GAD2: variants seen among roughly 807,000 people sequenced by gnomAD.
GAD2 encodes 65 kDa glutamic acid decarboxylase.
Under a neutral mutation model 80.1 loss-of-function variants are expected in GAD2, and 22 were observed. The observed-to-expected ratio is 0.27, with a 90% CI of 0.20 to 0.39. The LOEUF is 0.39. GAD2 is among the 10% of genes least tolerant of loss of function. The pLI is 1.00. For synonymous variants in GAD2, 274 were observed against 256.9 expected, an observed-to-expected ratio of 1.07 and a Z score of -0.64; for missense variants, 624 against 738.4, an observed-to-expected ratio of 0.85 and a Z score of 1.80.
rs1307276594 is a variant in GAD2 at position 26,281,066 on chromosome 10, T to C, written c.1215T>C (p.Ser405=). ...TGATGGGAGTCCCTTTGCAGTGCTC[T>C]GCTCTCCTGGTTAGAGAAGAGGTAT... is the stretch of plus-strand genomic sequence containing the variant. ...HKMMGVPLQC[S]ALLVREEGLM... Residue 405 remains serine (S), a synonymous_variant, in exon 12 of 16, where the codon TCT becomes TCC. Transcript: ENST00000376261. 1.9e-6 allele frequency: 3 copies of C among 1,613,324 alleles called. No homozygotes were observed. Among genetic ancestry groups the C allele is most frequent in the Non-Finnish European group, 2.5e-6 (3 of 1,179,482 alleles).
chr10:26,295,940 A>G (rs533182332), intron 15 of GAD2, among the ~76,000 whole-genome samples: 24 of 152,348 alleles, frequency 1.6e-4, no homozygotes, highest in African/African-American at 5.8e-4. Context: ...TAGGAACTCA[A>G]AAATCGTTTG....
intron 3 of GAD2, 70 bp downstream of exon 3, chr10:26,218,061 G>A (rs1844403324): frequency 1.3e-6 from 2 of 1,487,594 alleles, no homozygotes; most frequent in Non-Finnish European, 1.8e-6. Flanking sequence ...CGGCCGGTGC[G>A]GGTCCGGCGC....
In GAD2 at chr10:26,289,710, A is replaced by G. The variant is rs145624493; in HGVS notation, c.1387-2755A>G. On this transcript the variant is annotated intron_variant, in intron 13 of 15. Coordinates refer to ENST00000376261, the MANE Select transcript of GAD2 (RefSeq NM_001134366.2). ...CCTAGGACCTAATGATTATTTCCCA[A>G]TGTTGACAGATTTCTACGGTGGCTA... is the stretch of plus-strand genomic sequence containing the variant. Among the ~76,000 whole-genome samples the G allele has an allele frequency of 1.4e-3, 220 of 152,028 alleles. 2 individuals carry two copies. The highest frequency in any genetic ancestry group is 4.5e-3 in the African/African-American group (186 of 41,470).
chr10:26,263,859 G>A (rs74435211), intron 8 of GAD2, among the ~76,000 whole-genome samples: 172 of 152,258 alleles, frequency 1.1e-3, no homozygotes, highest in African/African-American at 4.1e-3. Flanking sequence ...GCTCAATCCA[G>A]GGGGCTTCCA....
chr10:26,252,083 G>C (rs190916214), intron 8 of GAD2, among the ~76,000 whole-genome samples: 3 of 152,160 alleles, frequency 2.0e-5, no homozygotes, highest in African/African-American at 7.2e-5. Flanking sequence ...CTTGTTTCCC[G>C]TAATGCGCTT....
At chr10:26,279,707 C>T (rs2132311265) in intron 11 of GAD2, among the ~76,000 whole-genome samples, 1 of 152,232 alleles carries the variant, frequency 6.6e-6, no homozygotes, top group South Asian at 2.1e-4. Context: ...TAATGTAAAT[C>T]CCTGAGCACG....
At chr10:26,231,893 T>G (rs1844607066) in intron 7 of GAD2, among the ~76,000 whole-genome samples, 1 of 152,206 alleles carries the variant, frequency 6.6e-6, no homozygotes, top group Admixed American at 6.5e-5. Context: ...TCTTTCCACC[T>G]GTGGCTCTCC....
chr10:26,224,603 G>A lies in GAD2; in HGVS notation c.676G>A (p.Glu226Lys), dbSNP rs761233439. Residue 226 changes from glutamate (E) to lysine (K), a missense_variant, in exon 6 of 16, where the codon GAA (glutamate) becomes AAA (lysine). Transcript: ENST00000376261. Reference sequence around the variant, plus strand: ...ATATGTCACACTAAAGAAAATGAGAGAAATCATTGGCTGGCCAGGGGGCTC... The same window carrying A: ...ATATGTCACACTAAAGAAAATGAGAAAAATCATTGGCTGGCCAGGGGGCTC... ...LEYVTLKKMREIIGWPGGSGD... is the reference protein window; with the variant it reads ...LEYVTLKKMRKIIGWPGGSGD... 2 of 1,614,038 alleles carry A rather than the reference G, an allele frequency of 1.2e-6. No homozygotes were observed. Among genetic ancestry groups the A allele is most frequent in the Non-Finnish European group, 1.7e-6 (2 of 1,179,910 alleles).
rs1350529387 is a variant in GAD2, at chr10:26,270,733, T to C, written c.1069T>C (p.Tyr357His). 1 of 1,612,756 alleles carries C rather than the reference T, an allele frequency of 6.2e-7. No homozygotes were observed. Among genetic ancestry groups the C allele is most frequent in the Non-Finnish European group, 8.5e-7 (1 of 1,178,850 alleles). ...AGCTGTCGCTGACATTTGCAAAAAG[T>C]ATAAGATCTGGATGCATGTGGATGT... ...LLAVADICKK[Y>H]KIWMHVDAAW... The change falls in exon 10 of 16, where the codon TAT becomes CAT. Residue 357 changes from tyrosine (Y) to histidine (H), a missense_variant. Tyr to His is a moderately conservative substitution (Grantham distance 83, BLOSUM62 2). Coordinates refer to ENST00000376261, the MANE Select transcript of GAD2 (RefSeq NM_001134366.2).
intron 8 of GAD2, among the ~76,000 whole-genome samples, chr10:26,256,319 T>C (rs964636202): frequency 6.6e-6 from 1 of 152,070 alleles, no homozygotes; most frequent in Non-Finnish European, 1.5e-5. Flanking sequence ...CCCCTTAATA[T>C]CTCAATGTAT....
chr10:26,227,778 C>A (rs962194950), intron 6 of GAD2, among the ~76,000 whole-genome samples: 8 of 152,232 alleles, frequency 5.3e-5, no homozygotes, highest in Non-Finnish European at 7.3e-5. Context: ...GAATTTCCTT[C>A]TGAAGCAGAC....
At chr10:26,275,177 G>A (rs1273068492) in intron 11 of GAD2, among the ~76,000 whole-genome samples, 5 of 152,234 alleles carry the variant, frequency 3.3e-5, no homozygotes, top group African/African-American at 1.2e-4. Context: ...GAAGGTGCCT[G>A]CTCACATGAT....
intron 8 of GAD2, among the ~76,000 whole-genome samples, chr10:26,256,250 A>T (rs1249962216): frequency 6.7e-6 from 1 of 149,422 alleles, no homozygotes; most frequent in Non-Finnish European, 1.5e-5. Context: ...TATGCATATT[A>T]TATATATATA....
intron 8 of GAD2, 129 bp from the exon 9 acceptor site, chr10:26,268,990 A>C: frequency 1.7e-6 from 1 of 590,476 alleles, no homozygotes. Context: ...GAAGCAGTCA[A>C]GGAGTTGTTT....
chr10:26,229,489 C>A (rs2839675), intron 6 of GAD2, among the ~76,000 whole-genome samples, 173 bp from the exon 7 acceptor site: 16,752 of 152,098 alleles, frequency 0.11, 1,149 homozygotes, highest in African/African-American at 0.18. Flanking sequence ...GTCCTGTCCC[C>A]ATGTGCCCTC....
rs554228188 is a variant in GAD2 at position 26,236,040 on chromosome 10, A to G, written c.840+6263A>G. ...CCCACATCCCCCAGAACCAGTTGCC[A>G]ATGTTCTGCTGAGGCCCCTTGTGGC... On this transcript the variant is annotated intron_variant, in intron 7 of 15. Transcript: ENST00000376261. 2.7e-4 allele frequency among the ~76,000 whole-genome samples: 41 copies of G among 152,286 alleles called. No homozygotes were observed. The South Asian group carries it at 8.3e-3, about 31-fold the overall frequency.
chr10:26,223,741 A>G (rs1289638846), intron 4 of GAD2, 146 bp from the exon 5 acceptor site: 1 of 536,238 alleles, frequency 1.9e-6, no homozygotes, highest in Non-Finnish European at 3.4e-6. Flanking sequence ...TTGTGCATAC[A>G]CACGTGTGTA....
chr10:26,277,603 G>A (rs1845224968), intron 11 of GAD2, among the ~76,000 whole-genome samples: 1 of 152,206 alleles, frequency 6.6e-6, no homozygotes, highest in Non-Finnish European at 1.5e-5. Context: ...ACGTCCAGGT[G>A]CAGGACAGGA....
chr10:26,293,335 G>A (rs903382276), intron 15 of GAD2, among the ~76,000 whole-genome samples: 2 of 151,642 alleles, frequency 1.3e-5, no homozygotes, highest in Admixed American at 6.6e-5. Context: ...TCACCACCAC[G>A]CCCAGACAAT....
Sources: gnomAD v4.1 joint callset for allele counts (sites outside exome capture counted in the v4.1 genomes callset) on GRCh38, gnomAD v4.1.1 for gene constraint, MANE v1.5 for transcripts, NCBI Gene and HGNC (gene_info 2026-07-23, HGNC 2026-07-21) for gene names.